The following RILPL2 variants were observed in gnomAD, a reference collection of about 807,000 sequenced individuals.
RILPL2 encodes Rab interacting lysosomal protein like 2.
RILPL2 carries 19 observed loss-of-function variants against 22.2 expected under a neutral mutation model. The ratio of observed to expected loss-of-function variants is 0.86; its 90% confidence interval spans 0.60 to 1.25. The LOEUF is 1.25. RILPL2 is among the 50% of genes most tolerant of loss of function. RILPL2 has a pLI of 0.00. For synonymous variants in RILPL2, 123 were observed against 111.6 expected, an observed-to-expected ratio of 1.10 and a Z score of -0.64; for missense variants, 243 against 263.6, an observed-to-expected ratio of 0.92 and a Z score of 0.54.
chr12:123,424,467 G>A (rs939238313), intron 2 of RILPL2, among the ~76,000 whole-genome samples: 2 of 151,956 alleles, frequency 1.3e-5, no homozygotes, highest in East Asian at 1.9e-4. Flanking sequence ...AAGTAGCTGG[G>A]ATTACAGGTG....
intron 3 of RILPL2, among the ~76,000 whole-genome samples, chr12:123,421,589 G>A (rs948332793): frequency 4.6e-5 from 7 of 151,528 alleles, no homozygotes; most frequent in Admixed American, 4.0e-4. Flanking sequence ...TCTCCCCTGT[G>A]CTCCTGCCCC....
chr12:123,425,132 G>A (rs1879406639), intron 2 of RILPL2, among the ~76,000 whole-genome samples: 1 of 151,696 alleles, frequency 6.6e-6, no homozygotes, highest in South Asian at 2.1e-4. Flanking sequence ...GCCCGCCTCT[G>A]CCTCCCAAAG....
intron 1 of RILPL2, among the ~76,000 whole-genome samples, chr12:123,432,320 A>G (rs1879675972): frequency 6.6e-6 from 1 of 152,198 alleles, no homozygotes; most frequent in Admixed American, 6.5e-5. Flanking sequence ...AGCCTGGACA[A>G]CATGGGAAAC....
intron 3 of RILPL2, among the ~76,000 whole-genome samples, chr12:123,421,129 G>A (rs575187521): frequency 1.1e-4 from 17 of 148,756 alleles, no homozygotes; most frequent in Admixed American, 9.6e-4. Context: ...CTCAACCTCC[G>A]CCTCCCAAGC....
intron 1 of RILPL2, among the ~76,000 whole-genome samples, chr12:123,435,136 C>T (rs932422443): frequency 2.0e-5 from 3 of 151,384 alleles, no homozygotes; most frequent in Non-Finnish European, 2.9e-5. Flanking sequence ...GTCGAGGTCA[C>T]GCCACTGCAC....
intron 1 of RILPL2, among the ~76,000 whole-genome samples, chr12:123,431,957 T>C (rs1215370007): frequency 6.6e-6 from 1 of 151,848 alleles, no homozygotes; most frequent in Non-Finnish European, 1.5e-5. Flanking sequence ...TGCGGTGGCA[T>C]GATCTCAGCT....
intron 2 of RILPL2, among the ~76,000 whole-genome samples, chr12:123,430,185 A>G (rs150108949): frequency 0.076 from 10,953 of 144,804 alleles, 518 homozygotes; most frequent in Middle Eastern, 0.12. Context: ...CAAGGTGGGC[A>G]GATCAGGAGG....
At chr12:123,411,610 T>G, downstream of RILPL2, 1 of 128,880 alleles carries the variant, frequency 7.8e-6, no homozygotes, top group East Asian at 2.2e-4. Flanking sequence ...CAGGCTGGAG[T>G]GCAGTGGCAT....
rs1288724774 is a variant in RILPL2 at position 123,415,743 on chromosome 12, C to T, written c.*148G>A. The T allele has an allele frequency of 4.1e-5, 33 of 803,288 alleles. No homozygotes were observed. The highest frequency in any genetic ancestry group is 7.1e-5 in the Non-Finnish European group (33 of 462,572). 49.8% of individuals were successfully genotyped at this position (803,288 alleles called of 1,614,324 possible). Reference sequence around the variant, plus strand: ...AGGGAGAAAGTGATGCCAAGAGAACCTCGTCTCCTCCCTCCTCAGTCTGCT... The same window carrying T: ...AGGGAGAAAGTGATGCCAAGAGAACTTCGTCTCCTCCCTCCTCAGTCTGCT... On this transcript the variant is annotated 3_prime_UTR_variant, in exon 4 of 4. Transcript: ENST00000280571.
rs578073684 is a variant in RILPL2, at chr12:123,425,171, G to A, written c.492-2014C>T. ...TGTACAGGCATAAGCCACTGCGCCC[G>A]GCCTTATTATTATTTTTTTTTTGAG... On this transcript the variant is annotated intron_variant, in intron 2 of 3. Coordinates refer to ENST00000280571, the MANE Select transcript of RILPL2 (RefSeq NM_145058.3). Among the ~76,000 whole-genome samples the A allele has an allele frequency of 3.8e-4, 58 of 151,794 alleles. 1 individual carries two copies. The highest frequency in any genetic ancestry group is 3.5e-3 in the Admixed American group (53 of 15,196).
In RILPL2 at chr12:123,415,914, A is replaced by T; in HGVS notation, c.613T>A (p.Phe205Ile). The T allele has an allele frequency of 6.2e-7, 1 of 1,614,140 alleles. No homozygotes were observed. Among genetic ancestry groups the T allele is most frequent in the Non-Finnish European group, 8.5e-7 (1 of 1,180,006 alleles). ...ATCTAGGTCTGTTTCCCCGATCGAA[A>T]AAAGAACCTGGTGTGGAGAGAGAGA... ...EKTIIKKLFF[F>I]RSGKQT Residue 205 changes from phenylalanine (F) to isoleucine (I), a missense_variant, in exon 4 of 4, where the codon TTT becomes ATT. Transcript: ENST00000280571.
At chr12:123,424,331 A>ATTTTTTTTT (rs56046247) in intron 2 of RILPL2, among the ~76,000 whole-genome samples, 1 of 135,174 alleles carries the variant, frequency 7.4e-6, no homozygotes. Flanking sequence ...TAAGAGTTAG[A>ATTTTTTTTT]TTTTTTTTTT....
At chr12:123,420,870 C>G (rs1032979980) in intron 3 of RILPL2, among the ~76,000 whole-genome samples, 1 of 152,044 alleles carries the variant, frequency 6.6e-6, no homozygotes, top group Non-Finnish European at 1.5e-5. Flanking sequence ...TAAATAGATG[C>G]GGCTTCAGGT....
the RILPL2 span, among the ~76,000 whole-genome samples, chr12:123,410,037 A>T: frequency 1.3e-5 from 2 of 151,938 alleles, no homozygotes; most frequent in Non-Finnish European, 2.9e-5. Context: ...CAGTAGAGAC[A>T]GGGTTTCACC....
chr12:123,421,570 C>T (rs1349235306), intron 3 of RILPL2, among the ~76,000 whole-genome samples: 1 of 152,038 alleles, frequency 6.6e-6, no homozygotes, highest in Non-Finnish European at 1.5e-5. Context: ...CCTGCTGGGC[C>T]AGAGGTATTC....
At chr12:123,435,828 G>A (rs1019243719) in intron 1 of RILPL2, among the ~76,000 whole-genome samples, 2 of 151,718 alleles carry the variant, frequency 1.3e-5, no homozygotes, top group East Asian at 2.0e-4. Context: ...CTGCGAACTC[G>A]TTAGAAATAC....
intron 1 of RILPL2, among the ~76,000 whole-genome samples, chr12:123,434,449 A>G (rs1359002754): frequency 3.3e-5 from 5 of 151,418 alleles, no homozygotes. Context: ...TTTGAGACAA[A>G]ATCTCGCTCT....
rs1030743248 is a variant in RILPL2, at chr12:123,416,010, G to A, written c.606-89C>T. On this transcript the variant is annotated intron_variant, in intron 3 of 3. Transcript: ENST00000280571. ...CCCGTAAAATTTCTAAGTAGCTCTT[G>A]CAGCTGTTGACTCAAAAATATGTCC... 3.0e-6 allele frequency: 4 copies of A among 1,322,384 alleles called. No individual in the cohort carries two copies. The East Asian group carries it at 9.2e-5, about 30-fold the overall frequency. 81.9% of individuals were successfully genotyped at this position (1,322,384 alleles called of 1,614,324 possible).
chr12:123,416,614 TG>T (rs1437262119), intron 3 of RILPL2, among the ~76,000 whole-genome samples: 3 of 152,198 alleles, frequency 2.0e-5, no homozygotes, highest in Non-Finnish European at 2.9e-5. Context: ...CACTCCAGCC[TG>T]GGTGACAGAT....
Sources: gnomAD v4.1 joint callset for allele counts (sites outside exome capture counted in the v4.1 genomes callset) on GRCh38, gnomAD v4.1.1 for gene constraint, MANE v1.5 for transcripts, NCBI Gene and HGNC (gene_info 2026-07-23, HGNC 2026-07-21) for gene names.